Variants in MIS18A observed in about 807,000 individuals in gnomAD.
MIS18A encodes MIS18 kinetochore protein A, also known as protein Mis18-alpha.
Under a neutral mutation model 25.0 loss-of-function variants are expected in MIS18A, and 14 were observed. The observed-to-expected ratio is 0.56, with a 90% CI of 0.37 to 0.88. The LOEUF (loss-of-function observed/expected upper bound fraction) is 0.88. Ranked by LOEUF, MIS18A falls within the 40% of genes least tolerant of loss-of-function variation. The pLI is 0.00. For synonymous variants in MIS18A, 134 were observed against 118.6 expected (o/e 1.13, Z -0.84); for missense variants, 292 against 290.8 (o/e 1.00, Z -0.03).
chr21:32,155,906 T>C, the MIS18A span, among the ~76,000 whole-genome samples: 1 of 152,050 alleles, frequency 6.6e-6, no homozygotes, highest in Non-Finnish European at 1.5e-5. Flanking sequence ...AAATAGGCTA[T>C]ACTAGTTTCA....
At chr21:32,248,838 C>G in the MIS18A span, among the ~76,000 whole-genome samples, 2 of 152,200 alleles carry the variant, frequency 1.3e-5, no homozygotes, top group African/African-American at 4.8e-5. Flanking sequence ...TTCCCTCCCC[C>G]TTTTGTCTTG....
the MIS18A span, among the ~76,000 whole-genome samples, chr21:32,179,588 C>T: frequency 1.3e-5 from 2 of 152,224 alleles, no homozygotes; most frequent in Admixed American, 1.3e-4. Flanking sequence ...ATTTCCCTCG[C>T]TTTACTGCCA....
the MIS18A span, among the ~76,000 whole-genome samples, chr21:32,190,010 C>G: frequency 2.0e-5 from 3 of 152,288 alleles, no homozygotes; most frequent in South Asian, 4.1e-4. Context: ...CATTATGAGT[C>G]TTGGTCTACA....
At chr21:32,258,510 G>A in the MIS18A span, among the ~76,000 whole-genome samples, 2 of 152,126 alleles carry the variant, frequency 1.3e-5, no homozygotes, top group Non-Finnish European at 2.9e-5. Flanking sequence ...CACGATGAAT[G>A]TTTACATGGT....
At chr21:32,230,352 C>A in the MIS18A span, among the ~76,000 whole-genome samples, 1 of 152,178 alleles carries the variant, frequency 6.6e-6, no homozygotes, top group South Asian at 2.1e-4. Context: ...TTAGTATCCT[C>A]ATCTATAAAA....
rs1049729841 is a variant in MIS18A, at chr21:32,278,828, C to A, written c.187G>T (p.Asp63Tyr). 1.9e-6 allele frequency: 3 copies of A among 1,603,610 alleles called. No homozygotes were observed. In the African/African-American group the frequency reaches 4.0e-5, roughly 21 times the overall value. Residue 63 changes from aspartate (D) to tyrosine (Y), a missense_variant, in exon 1 of 5, where the codon GAC (aspartate) becomes TAC (tyrosine). Coordinates refer to ENST00000290130, the MANE Select transcript of MIS18A (RefSeq NM_018944.3). ...TCCTCCAGCTGCGCCCTCTCCATGTCGGCCACCGACGCGTCTTCGCTCATG... is the reference window on the plus strand; with the variant it reads ...TCCTCCAGCTGCGCCCTCTCCATGTAGGCCACCGACGCGTCTTCGCTCATG... Reference protein sequence around the residue: ...SSMSEDASVADMERAQLEEEA... With the variant: ...SSMSEDASVAYMERAQLEEEA...
chr21:32,221,080 TC>T, the MIS18A span, among the ~76,000 whole-genome samples: 5 of 152,056 alleles, frequency 3.3e-5, no homozygotes, highest in African/African-American at 1.2e-4. Flanking sequence ...CAAGAGAACT[TC>T]CCCGACCTAG....
the MIS18A span, among the ~76,000 whole-genome samples, chr21:32,246,251 A>G: frequency 6.6e-6 from 1 of 152,192 alleles, no homozygotes; most frequent in Non-Finnish European, 1.5e-5. Context: ...TACAAACTCT[A>G]CCACCACCCC....
chr21:32,221,855 G>A, the MIS18A span, among the ~76,000 whole-genome samples: 1 of 151,680 alleles, frequency 6.6e-6, no homozygotes, highest in Non-Finnish European at 1.5e-5. Context: ...TCATGCCACT[G>A]CACTCCAGCC....
the MIS18A span, among the ~76,000 whole-genome samples, chr21:32,165,619 A>G: frequency 6.6e-6 from 1 of 151,998 alleles, no homozygotes; most frequent in Non-Finnish European, 1.5e-5. Flanking sequence ...AAAAAAAGGA[A>G]AGAAAAGGGA....
chr21:32,201,230 G>T, the MIS18A span, among the ~76,000 whole-genome samples: 1 of 151,886 alleles, frequency 6.6e-6, no homozygotes, highest in Non-Finnish European at 1.5e-5. Context: ...CACTCATGGG[G>T]ATCCGCCCCT....
At chr21:32,248,633 A>G in the MIS18A span, among the ~76,000 whole-genome samples, 1 of 152,238 alleles carries the variant, frequency 6.6e-6, no homozygotes, top group African/African-American at 2.4e-5. Context: ...AGACCTAATG[A>G]GGCCAGAGAG....
At chr21:32,178,753 C>G in the MIS18A span, among the ~76,000 whole-genome samples, 6 of 152,192 alleles carry the variant, frequency 3.9e-5, no homozygotes, top group Admixed American at 3.9e-4. Context: ...TCTTTCATCA[C>G]TGAGGGAAAA....
At chr21:32,246,726 C>G in the MIS18A span, among the ~76,000 whole-genome samples, 1 of 152,172 alleles carries the variant, frequency 6.6e-6, no homozygotes, top group Non-Finnish European at 1.5e-5. Flanking sequence ...CCAGCGCCTT[C>G]TCTTTCAGTC....
In MIS18A at chr21:32,278,871, C is replaced by G. The variant is rs762494007; in HGVS notation, c.144G>C (p.Trp48Cys). 4 of 1,613,386 alleles carry G rather than the reference C, an allele frequency of 2.5e-6. No individual in the cohort carries two copies. In the Middle Eastern group the frequency reaches 5.0e-4, roughly 200 times the overall value. The change falls in exon 1 of 5, where the codon TGG becomes TGC. Residue 48 changes from tryptophan to cysteine, a missense_variant. Coordinates refer to ENST00000290130, the MANE Select transcript of MIS18A (RefSeq NM_018944.3). ...DSSRHQLLQK[W>C]ASMWSSMSED... ...CGCTCATGGAGCTCCACATGCTCGCCCACTTCTGCAACAGCTGGTGGCGGC... is the reference window on the plus strand; with the variant it reads ...CGCTCATGGAGCTCCACATGCTCGCGCACTTCTGCAACAGCTGGTGGCGGC...
chr21:32,171,108 C>T, the MIS18A span, among the ~76,000 whole-genome samples: 1 of 151,920 alleles, frequency 6.6e-6, no homozygotes, highest in South Asian at 2.1e-4. Flanking sequence ...CTCTTCTATC[C>T]AACATTATAC....
chr21:32,257,801 A>T, the MIS18A span, among the ~76,000 whole-genome samples: 1 of 152,180 alleles, frequency 6.6e-6, no homozygotes, highest in South Asian at 2.1e-4. Context: ...CTGGAACCTC[A>T]CAGAACTACC....
At chr21:32,192,970 T>C in the MIS18A span, among the ~76,000 whole-genome samples, 1 of 152,176 alleles carries the variant, frequency 6.6e-6, no homozygotes. Flanking sequence ...CAGATTAAAA[T>C]CAACATCAAA....
At chr21:32,176,134 A>AT in the MIS18A span, among the ~76,000 whole-genome samples, 1 of 152,222 alleles carries the variant, frequency 6.6e-6, no homozygotes, top group Non-Finnish European at 1.5e-5. Context: ...AACTTTTTAA[A>AT]TAAGTAGAAT....
Sources: allele counts gnomAD v4.1 joint callset (sites outside exome capture counted in the v4.1 genomes callset), GRCh38; gene constraint gnomAD v4.1.1; transcripts MANE v1.5; gene names NCBI Gene and HGNC (gene_info 2026-07-23, HGNC 2026-07-21).